PBLD: variants seen among roughly 807,000 people sequenced by gnomAD.
PBLD encodes the protein phenazine biosynthesis like protein domain containing.
In PBLD, 26 loss-of-function variants were observed where a neutral mutation model predicts 31.3. That is an observed-to-expected ratio of 0.83 (90% CI 0.61 to 1.15). The LOEUF is 1.15. PBLD is among the 50% of genes most tolerant of loss of function. The pLI, the probability that PBLD is intolerant of heterozygous loss-of-function variation, is 0.00. For missense variants in PBLD, 307 were observed against 351.7 expected, an observed-to-expected ratio of 0.87 and a Z score of 1.02; for synonymous variants, 114 against 129.0, an observed-to-expected ratio of 0.88 and a Z score of 0.79.
intron 1 of PBLD, among the ~76,000 whole-genome samples, chr10:68,316,596 C>A (rs973624462): frequency 3.3e-5 from 5 of 152,162 alleles, no homozygotes; most frequent in African/African-American, 1.2e-4. Context: ...TGGTCAAAAA[C>A]TTATCATATT....
At chr10:68,329,385 C>A (rs188003442) in intron 1 of PBLD, among the ~76,000 whole-genome samples, 2 of 152,166 alleles carry the variant, frequency 1.3e-5, no homozygotes, top group African/African-American at 4.8e-5. Context: ...AGATTGTGGC[C>A]CATAACCACA....
chr10:68,324,215 T>A (rs2044878919), intron 1 of PBLD, among the ~76,000 whole-genome samples: 1 of 152,136 alleles, frequency 6.6e-6, no homozygotes. Context: ...CCTCGCTCTG[T>A]TGCCAGGCTG....
At chr10:68,285,245 T>C (rs758683826) in intron 9 of PBLD, 103 bp downstream of exon 9, 3 of 1,596,970 alleles carry the variant, frequency 1.9e-6, no homozygotes, top group Non-Finnish European at 1.7e-6. Flanking sequence ...ACATGGGTGA[T>C]ACATGACATT....
chr10:68,303,025 C>T (rs1044636835), intron 2 of PBLD, among the ~76,000 whole-genome samples: 10 of 150,966 alleles, frequency 6.6e-5, no homozygotes, highest in African/African-American at 2.2e-4. Context: ...TATTGTCAAA[C>T]GGATTGTCAG....
intron 1 of PBLD, among the ~76,000 whole-genome samples, chr10:68,315,086 G>A (rs554906594): frequency 8.2e-4 from 125 of 152,118 alleles, no homozygotes; most frequent in Admixed American, 3.1e-3. Context: ...CACCGTGCCC[G>A]GCTGTGGCTT....
intron 1 of PBLD, among the ~76,000 whole-genome samples, chr10:68,320,120 C>T (rs2134529763): frequency 1.3e-5 from 2 of 151,926 alleles, no homozygotes; most frequent in East Asian, 3.9e-4. Context: ...ACTCGCCCGC[C>T]TAAGAGACAA....
chr10:68,284,849 G>A (rs1368354475), intron 9 of PBLD, among the ~76,000 whole-genome samples: 1 of 152,194 alleles, frequency 6.6e-6, no homozygotes, highest in African/African-American at 2.4e-5. Context: ...AAAATGAATA[G>A]CCACCTTGCT....
At chr10:68,285,026 A>G in intron 9 of PBLD, 8 of 1,185,392 alleles carry the variant, frequency 6.7e-6, no homozygotes, top group Non-Finnish European at 8.4e-6. Flanking sequence ...AGCAGTAAGG[A>G]ACCTTGGTCA....
intron 3 of PBLD, 22 bp downstream of exon 3, chr10:68,296,864 A>G: frequency 6.4e-7 from 1 of 1,560,398 alleles, no homozygotes; most frequent in Non-Finnish European, 8.8e-7. Context: ...ACAGTTCTTA[A>G]AAAAAAAAAA....
intron 1 of PBLD, among the ~76,000 whole-genome samples, chr10:68,326,715 AC>A (rs1384315513): frequency 6.6e-6 from 1 of 152,188 alleles, no homozygotes; most frequent in Admixed American, 6.5e-5. Flanking sequence ...ACTAATCTCC[AC>A]CCCCTATATA....
intron 4 of PBLD, among the ~76,000 whole-genome samples, chr10:68,294,343 G>C (rs1321267283): frequency 1.3e-5 from 2 of 152,244 alleles, no homozygotes; most frequent in Non-Finnish European, 2.9e-5. Flanking sequence ...TCAGGACTGG[G>C]ACTCCATGAG....
At chr10:68,289,183 C>T (rs1564724479) in intron 6 of PBLD, among the ~76,000 whole-genome samples, 164 bp from the exon 7 acceptor site, 1 of 152,118 alleles carries the variant, frequency 6.6e-6, no homozygotes, top group South Asian at 2.1e-4. Flanking sequence ...TAAGGTGTTG[C>T]CCAAGGATGG....
chr10:68,311,994 C>T (rs1363631140), intron 1 of PBLD, among the ~76,000 whole-genome samples: 1 of 152,298 alleles, frequency 6.6e-6, no homozygotes, highest in Admixed American at 6.5e-5. Context: ...ACTGTTTCTG[C>T]TGAATGCATA....
intron 1 of PBLD, among the ~76,000 whole-genome samples, chr10:68,307,113 T>A (rs2044591377): frequency 6.6e-6 from 1 of 152,052 alleles, no homozygotes; most frequent in Admixed American, 6.6e-5. Context: ...CACTGTAACC[T>A]CCGCCTCCCC....
Position 68,324,584 on chromosome 10 carries a change from C to T in PBLD, c.-60+8200G>A, listed in dbSNP as rs191141284. Among the ~76,000 whole-genome samples, 19 of 151,894 alleles carry T rather than the reference C, an allele frequency of 1.3e-4. No homozygotes were observed. In the South Asian group the frequency reaches 3.5e-3, roughly 28 times the overall value. On this transcript the variant is annotated intron_variant, in intron 1 of 9. Transcript: ENST00000358769. ...TCCTAGTCTTCTCTCTTCTTACCCT[C>T]CCAATATCTACCCTCCACACTTTAT...
At chr10:68,300,943 G>C (rs2044497303) in intron 2 of PBLD, among the ~76,000 whole-genome samples, 1 of 152,060 alleles carries the variant, frequency 6.6e-6, no homozygotes, top group Non-Finnish European at 1.5e-5. Context: ...TGTCACCCAG[G>C]CTGGAGTGCA....
intron 1 of PBLD, among the ~76,000 whole-genome samples, chr10:68,327,838 G>A (rs770296758): frequency 2.0e-5 from 3 of 152,006 alleles, no homozygotes; most frequent in Non-Finnish European, 4.4e-5. Flanking sequence ...GCTTTCCCTA[G>A]CCTTCACAGC....
At chr10:68,327,277 A>T (rs561376687) in intron 1 of PBLD, among the ~76,000 whole-genome samples, 2 of 152,266 alleles carry the variant, frequency 1.3e-5, no homozygotes, top group South Asian at 4.1e-4. Flanking sequence ...AAAATGAATG[A>T]CTTAAAGTGT....
chr10:68,304,420 T>A (rs2044549720), intron 2 of PBLD, among the ~76,000 whole-genome samples: 1 of 152,240 alleles, frequency 6.6e-6, no homozygotes, highest in South Asian at 2.1e-4. Context: ...CCCCAAATCA[T>A]GGACTTCCTT....
Sources: gnomAD v4.1 joint callset for allele counts (sites outside exome capture counted in the v4.1 genomes callset) on GRCh38, gnomAD v4.1.1 for gene constraint, MANE v1.5 for transcripts, NCBI Gene and HGNC (gene_info 2026-07-23, HGNC 2026-07-21) for gene names.